CFAP47: variants seen among roughly 807,000 people sequenced by gnomAD.
CFAP47 encodes the protein cilia and flagella associated protein 47, also known as cilia- and flagella-associated protein 47.
CFAP47 carries 29 observed loss-of-function variants against 148.1 expected under a neutral mutation model. The ratio of observed to expected loss-of-function variants is 0.20; its 90% CI spans 0.15 to 0.27. The LOEUF (loss-of-function observed/expected upper bound fraction) is 0.27, where lower values mean the gene tolerates loss of function less well. Ranked by LOEUF, CFAP47 falls within the 10% of genes least tolerant of loss-of-function variation. CFAP47 has a pLI of 1.00. For synonymous variants in CFAP47, 664 were observed against 577.3 expected (o/e 1.15, Z -2.15); for missense variants, 1,872 against 1,697.5 (o/e 1.10, Z -1.81).
At chrX:36,108,142 T>A (rs1938495069) in intron 33 of CFAP47, among the ~76,000 whole-genome samples, 1 of 111,690 alleles carries the variant, frequency 9.0e-6, no homozygotes, top group African/African-American at 3.2e-5. Flanking sequence ...AGCTAAAGCA[T>A]TTTGGCTTTC....
At chrX:36,166,471 G>A (rs1185320283) in intron 39 of CFAP47, among the ~76,000 whole-genome samples, 1 of 110,138 alleles carries the variant, frequency 9.1e-6, no homozygotes, top group South Asian at 3.8e-4. Flanking sequence ...CAATTTCTTT[G>A]TTGATATTCT....
intron 27 of CFAP47, among the ~76,000 whole-genome samples, chrX:36,068,767 C>A (rs1937687875): frequency 9.3e-6 from 1 of 107,664 alleles, no homozygotes; most frequent in Admixed American, 1.0e-4. Context: ...ACCATCCTGG[C>A]CAACATGGTG....
intron 30 of CFAP47, 102 bp downstream of exon 30, chrX:36,085,640 A>AACACACACAC (rs200423976): frequency 1.5e-4 from 48 of 329,632 alleles, no homozygotes; most frequent in African/African-American, 1.4e-3. Context: ...TTTCTAACCA[A>AACACACACAC]ACACACACAC....
At chrX:36,313,706 A>G (rs930093977) in intron 56 of CFAP47, among the ~76,000 whole-genome samples, 1 of 111,167 alleles carries the variant, frequency 9.0e-6, no homozygotes, top group East Asian at 2.8e-4. Context: ...CATCTCACCA[A>G]ATGGTTCCTT....
intron 1 of CFAP47, among the ~76,000 whole-genome samples, chrX:35,924,367 A>G (rs1472649156): frequency 2.8e-5 from 3 of 106,670 alleles, no homozygotes; most frequent in African/African-American, 7.1e-5. Context: ...ATATATGTAT[A>G]TGTGCATATA....
At chrX:35,925,960 ATTT>A in intron 1 of CFAP47, 54 bp from the exon 2 acceptor site, 1 of 908,839 alleles carries the variant, frequency 1.1e-6, no homozygotes, top group Non-Finnish European at 1.5e-6. Flanking sequence ...CAGCCATGGT[ATTT>A]TTTTTTTATA....
intron 32 of CFAP47, among the ~76,000 whole-genome samples, chrX:36,104,258 T>A (rs978088888): frequency 8.9e-6 from 1 of 111,970 alleles, no homozygotes; most frequent in African/African-American, 3.2e-5. Flanking sequence ...ATAAGCCTCT[T>A]GTAAATTATA....
At chrX:36,014,105 A>G (rs1049863060) in intron 21 of CFAP47, among the ~76,000 whole-genome samples, 2 of 112,007 alleles carry the variant, frequency 1.8e-5, no homozygotes, top group African/African-American at 6.5e-5. Context: ...ATTTTTGTTT[A>G]AGCAGTTGTG....
intron 21 of CFAP47, among the ~76,000 whole-genome samples, chrX:36,006,072 A>C (rs1936979221): frequency 9.0e-6 from 1 of 111,003 alleles, no homozygotes; most frequent in African/African-American, 3.3e-5. Flanking sequence ...TATATAAAAC[A>C]TTTTACTTAA....
At chrX:36,381,152 C>T (rs1251199959) in intron 63 of CFAP47, among the ~76,000 whole-genome samples, 5 of 111,265 alleles carry the variant, frequency 4.5e-5, no homozygotes, top group Non-Finnish European at 9.4e-5. Context: ...AATTAATCAC[C>T]ATGCACTAAT....
chrX:36,044,420 C>T (rs1010978477), intron 25 of CFAP47, among the ~76,000 whole-genome samples: 1 of 112,812 alleles, frequency 8.9e-6, no homozygotes, highest in African/African-American at 3.2e-5. Context: ...ACCATCTCTT[C>T]GTGTATGCAT....
At chrX:36,120,168 A>AT (rs373069862) in intron 33 of CFAP47, among the ~76,000 whole-genome samples, 5,365 of 97,926 alleles carry the variant, frequency 0.055, 309 homozygotes, top group African/African-American at 0.16. Context: ...CACCCAGGTA[A>AT]TTTTTTTTTT....
chrX:36,365,313 T>A (rs1941865322), intron 61 of CFAP47, among the ~76,000 whole-genome samples: 1 of 110,612 alleles, frequency 9.0e-6, no homozygotes, highest in South Asian at 3.8e-4. Context: ...AGCAGCACCC[T>A]ATTGAAAGAA....
intron 61 of CFAP47, among the ~76,000 whole-genome samples, chrX:36,363,563 A>C (rs1239263034): frequency 8.9e-6 from 1 of 111,886 alleles, no homozygotes; most frequent in Non-Finnish European, 1.9e-5. Context: ...TCAAAATTAC[A>C]CCAATAGCAT....
intron 35 of CFAP47, among the ~76,000 whole-genome samples, chrX:36,139,466 G>A (rs5973586): frequency 0.099 from 11,037 of 111,126 alleles, 1,066 homozygotes; most frequent in African/African-American, 0.3. Context: ...GGCATTATGG[G>A]GGATAAAAGG....
Position 36,303,832 on chromosome X carries a change from CTT to C in CFAP47, c.7971-9_7971-8del. ...TTATGAATACCAGCAACTTTACTAG[CTT>C]TTTTTTTCTCCTAGGCATGTCACTC... On this transcript the variant is annotated splice_polypyrimidine_tract_variant and intron_variant, in intron 53 of 63. Transcript: ENST00000378653. 2 of 954,508 alleles carry C rather than the reference CTT, an allele frequency of 2.1e-6. No homozygotes were observed. The highest frequency in any genetic ancestry group is 2.8e-6 in the Non-Finnish European group (2 of 708,413). The allele number at this position is 954,508 out of a possible 1,213,427, so 78.7% of individuals were successfully genotyped here. A position where few individuals can be genotyped will look rare whatever the true frequency, so the allele number is the denominator to read the frequency against.
chrX:36,024,497 G>T (rs1937193723), intron 22 of CFAP47, among the ~76,000 whole-genome samples: 1 of 111,387 alleles, frequency 9.0e-6, no homozygotes, highest in African/African-American at 3.3e-5. Context: ...TCTGGGCCCA[G>T]CTCGGCCATT....
chrX:36,109,710 G>A lies in CFAP47; in HGVS notation c.5320+5019G>A, dbSNP rs749821301. On this transcript the variant is annotated intron_variant, in intron 33 of 63. Transcript: ENST00000378653. Reference sequence around the variant, plus strand: ...AGGATGGTCTCCATCTCCTGACCTCGTGATCCACCCACATCGGCCTCCCAC... The same window carrying A: ...AGGATGGTCTCCATCTCCTGACCTCATGATCCACCCACATCGGCCTCCCAC... Among the ~76,000 whole-genome samples the A allele has an allele frequency of 9.6e-4, 107 of 111,225 alleles. 1 individual carries two copies. Among genetic ancestry groups the A allele is most frequent in the African/African-American group, 3.3e-3 (102 of 30,621 alleles).
chrX:36,179,256 T>C (rs969858332), intron 39 of CFAP47, 89 bp from the exon 40 acceptor site: 16 of 282,093 alleles, frequency 5.7e-5, no homozygotes, highest in Non-Finnish European at 9.3e-5. Flanking sequence ...ATTTTGTGAA[T>C]GATAGGAAAA....
Sources: allele counts gnomAD v4.1 joint callset (sites outside exome capture counted in the v4.1 genomes callset), GRCh38; gene constraint gnomAD v4.1.1; transcripts MANE v1.5; gene names NCBI Gene and HGNC (gene_info 2026-07-23, HGNC 2026-07-21).